Variants in ANAPC16 observed in about 807,000 individuals in gnomAD.
The protein encoded by ANAPC16 is anaphase-promoting complex subunit 16.
Under a neutral mutation model 13.1 loss-of-function variants are expected in ANAPC16, and 6 were observed. That is an observed-to-expected ratio of 0.46 (90% CI 0.25 to 0.90). The LOEUF (loss-of-function observed/expected upper bound fraction) is 0.90, where lower values mean the gene tolerates loss of function less well. Among genes scored for constraint, ANAPC16 ranks in the 40% least tolerant of loss-of-function variants. The pLI, the probability that ANAPC16 is intolerant of heterozygous loss-of-function variation, is 0.18. For synonymous variants in ANAPC16, 55 were observed against 51.3 expected (o/e 1.07, Z -0.31); for missense variants, 113 against 131.1 (o/e 0.86, Z 0.67).
chr10:72,222,694 T>C (rs2133668701), intron 1 of ANAPC16, among the ~76,000 whole-genome samples: 1 of 152,278 alleles, frequency 6.6e-6, no homozygotes, highest in African/African-American at 2.4e-5. Flanking sequence ...GGAGAATCGC[T>C]TGAACCTAGG....
chr10:72,218,924 G>C (rs1379403147), intron 1 of ANAPC16, among the ~76,000 whole-genome samples: 1 of 152,202 alleles, frequency 6.6e-6, no homozygotes, highest in African/African-American at 2.4e-5. Flanking sequence ...GAAGAAAACA[G>C]GATGAAAGGG....
rs759996498 is a variant in ANAPC16 at position 72,224,046 on chromosome 10, G to A, written c.132G>A (p.Glu44=). 5.0e-6 allele frequency: 8 copies of A among 1,599,210 alleles called. No individual in the cohort carries two copies. The highest frequency in any genetic ancestry group is 1.1e-5 in the South Asian group (1 of 89,958). Residue 44 remains glutamate (E), a synonymous_variant, in exon 2 of 4, where the codon GAG becomes GAA. Transcript: ENST00000299381. The stretch of plus-strand genomic sequence containing the variant: ...TCACCTACCCCAAAGGAGCTGGAGA[G>A]ATGTTAGAAGGTGATCTCATGCTGC... The part of the protein sequence containing the change: ...ALFTYPKGAG[E]MLEDGSERFL...
chr10:72,230,740 A>G (rs1363705126), intron 3 of ANAPC16, among the ~76,000 whole-genome samples: 2 of 151,960 alleles, frequency 1.3e-5, no homozygotes, highest in Admixed American at 6.6e-5. Context: ...ACAAAGAAAA[A>G]ATTAGTCAGG....
chr10:72,221,492 A>G (rs1859928643), intron 1 of ANAPC16, among the ~76,000 whole-genome samples: 1 of 150,290 alleles, frequency 6.7e-6, no homozygotes, highest in African/African-American at 2.5e-5. Context: ...ACACTGGAAC[A>G]TTTCCATCAT....
At chr10:72,230,325 C>G (rs1376973788) in intron 2 of ANAPC16, 41 bp from the exon 3 acceptor site, 3 of 1,514,768 alleles carry the variant, frequency 2.0e-6, no homozygotes, top group Non-Finnish European at 9.2e-7. Context: ...AGCCATAAAA[C>G]CTTTAGAGCA....
intron 1 of ANAPC16, among the ~76,000 whole-genome samples, chr10:72,221,552 T>C (rs992799352): frequency 3.7e-5 from 5 of 134,700 alleles, no homozygotes; most frequent in Admixed American, 1.5e-4. Context: ...CTTTTCTTTT[T>C]TTTTTTTTTT....
At position 72,233,649 on chromosome 10, in the gene ANAPC16, CTTTT is replaced by C. The variant is rs1283990267; in HGVS notation, c.*535_*538del. 2 of 152,546 alleles carry C rather than the reference CTTTT, an allele frequency of 1.3e-5. No homozygotes were observed. The highest frequency in any genetic ancestry group is 2.9e-5 in the Non-Finnish European group (2 of 68,180). 9.4% of individuals were successfully genotyped at this position (152,546 alleles called of 1,614,324 possible). On this transcript the variant is annotated 3_prime_UTR_variant, in exon 4 of 4. Transcript: ENST00000299381. ...TAGACATCAATTCTATAGATTCTGA[CTTTT>C]TCTAACCTCTTATAGACATGCCAAA...
rs112427290 is a variant in ANAPC16, at chr10:72,232,861, C to A, written c.218-140C>A. On this transcript the variant is annotated intron_variant, in intron 3 of 3. Coordinates refer to ENST00000299381, the MANE Select transcript of ANAPC16 (RefSeq NM_173473.4). Reference sequence around the variant, plus strand: ...CCTCGTGATCCGCCCGCCTCGGCCTCCCAAAGTGCTGGGATTATAGGCGTG... The same window carrying A: ...CCTCGTGATCCGCCCGCCTCGGCCTACCAAAGTGCTGGGATTATAGGCGTG... The A allele has an allele frequency of 1.0e-3, 687 of 662,252 alleles. 11 individuals carry two copies. Among genetic ancestry groups the A allele is most frequent in the African/African-American group, 9.8e-3 (542 of 55,460 alleles). The allele number at this position is 662,252 out of a possible 1,614,324, so 41.0% of individuals were successfully genotyped here.
intron 2 of ANAPC16, among the ~76,000 whole-genome samples, chr10:72,227,868 T>G (rs1260624387): frequency 1.0e-5 from 1 of 95,786 alleles, no homozygotes; most frequent in Non-Finnish European, 2.0e-5. Context: ...CCACCTCTAC[T>G]AAAAATACAA....
rs1470822574 is a variant in ANAPC16, at chr10:72,234,472, CT to C, written c.*1357del. The stretch of plus-strand genomic sequence containing the variant: ...TTTTTATACCATGATAGGGGAAAAC[CT>C]GGAAGGCTAAGAGATGTGCTGTTTT... On this transcript the variant is annotated 3_prime_UTR_variant, in exon 4 of 4. Transcript: ENST00000299381. 6.6e-6 allele frequency: 1 copy of C among 152,186 alleles called. No individual in the cohort carries two copies. The highest frequency in any genetic ancestry group is 2.4e-5 in the African/African-American group (1 of 41,438). 9.4% of individuals were successfully genotyped at this position (152,186 alleles called of 1,614,324 possible).
chr10:72,228,265 C>T (rs1334267209), intron 2 of ANAPC16, among the ~76,000 whole-genome samples: 1 of 152,150 alleles, frequency 6.6e-6, no homozygotes, highest in Non-Finnish European at 1.5e-5. Context: ...AAGCAGCATA[C>T]AGCAGTTTGC....
At position 72,233,194 on chromosome 10, in the gene ANAPC16, C is replaced by G. The variant is rs1037371826; in HGVS notation, c.*78C>G. 2 of 1,075,596 alleles carry G rather than the reference C, an allele frequency of 1.9e-6. No homozygotes were observed. The highest frequency in any genetic ancestry group is 2.8e-6 in the Non-Finnish European group (2 of 709,776). The allele number at this position is 1,075,596 out of a possible 1,614,324, so 66.6% of individuals were successfully genotyped here. Reference sequence around the variant, plus strand: ...ACTTTCTCACAGCTTACATAGCCATCCAGAGATCCACAGCTACGTCACTGA... The same window carrying G: ...ACTTTCTCACAGCTTACATAGCCATGCAGAGATCCACAGCTACGTCACTGA... On this transcript the variant is annotated 3_prime_UTR_variant, in exon 4 of 4. Coordinates refer to ENST00000299381, the MANE Select transcript of ANAPC16 (RefSeq NM_173473.4).
Position 72,230,418 on chromosome 10 carries a change from C to G in ANAPC16, c.195C>G (p.Ser65=). The G allele has an allele frequency of 2.5e-6, 4 of 1,614,056 alleles. No individual in the cohort carries two copies. The highest frequency in any genetic ancestry group is 3.4e-6 in the Non-Finnish European group (4 of 1,179,968). ...CESVFSYQVA[S]TLKQVKHDQQ... is the part of the protein sequence containing the mutation. ...CTGTTTTTAGCTATCAAGTGGCATCCACGCTTAAACAGGTGAAACATGGTA... is the reference window on the plus strand; with the variant it reads ...CTGTTTTTAGCTATCAAGTGGCATCGACGCTTAAACAGGTGAAACATGGTA... Residue 65 remains serine (S), a synonymous_variant, in exon 3 of 4, where the codon TCC becomes TCG. Transcript: ENST00000299381.
At chr10:72,222,767 G>A (rs1233801552) in intron 1 of ANAPC16, among the ~76,000 whole-genome samples, 1 of 152,216 alleles carries the variant, frequency 6.6e-6, no homozygotes, top group Non-Finnish European at 1.5e-5. Context: ...ACAAGAGCGA[G>A]ACTCCGTCTC....
intron 2 of ANAPC16, 112 bp downstream of exon 2, chr10:72,224,168 T>G (rs748802396): frequency 8.6e-7 from 1 of 1,168,190 alleles, no homozygotes; most frequent in Non-Finnish European, 1.1e-6. Flanking sequence ...CAGCTCCACA[T>G]TTCATTTCTT....
intron 3 of ANAPC16, among the ~76,000 whole-genome samples, chr10:72,231,889 TAAAAA>T (rs369260827): frequency 2.1e-5 from 3 of 141,008 alleles, no homozygotes; most frequent in Admixed American, 7.1e-5. Flanking sequence ...ACTTCCAACT[TAAAAA>T]AAAAAAAATA....
chr10:72,235,589 T>C lies in ANAPC16; in HGVS notation c.*2473T>C, dbSNP rs1038477071. 32 of 152,372 alleles carry C rather than the reference T, an allele frequency of 2.1e-4. No individual in the cohort carries two copies. Among genetic ancestry groups the C allele is most frequent in the African/African-American group, 7.2e-4 (30 of 41,590 alleles). 9.4% of individuals were successfully genotyped at this position (152,372 alleles called of 1,614,324 possible). On this transcript the variant is annotated 3_prime_UTR_variant, in exon 4 of 4. Coordinates refer to ENST00000299381, the MANE Select transcript of ANAPC16 (RefSeq NM_173473.4). ...CATTTTAGTTTTTTAATAGTACTTATTAGCATCAACCATCTTGATAATCAC... is the reference window on the plus strand; with the variant it reads ...CATTTTAGTTTTTTAATAGTACTTACTAGCATCAACCATCTTGATAATCAC...
At chr10:72,225,312 G>A (rs1458589565) in intron 2 of ANAPC16, among the ~76,000 whole-genome samples, 1 of 151,396 alleles carries the variant, frequency 6.6e-6, no homozygotes, top group African/African-American at 2.4e-5. Context: ...TAAATAAAAT[G>A]CATATTTCTG....
Position 72,234,069 on chromosome 10 carries a change from C to T in ANAPC16, c.*953C>T, listed in dbSNP as rs539074465. On this transcript the variant is annotated 3_prime_UTR_variant, in exon 4 of 4. Coordinates refer to ENST00000299381, the MANE Select transcript of ANAPC16 (RefSeq NM_173473.4). ...TTGCCCAGGCTGTATCGCAATGGCGCGATCTCTGCTCACTGCAACATCCAC... is the reference window on the plus strand; with the variant it reads ...TTGCCCAGGCTGTATCGCAATGGCGTGATCTCTGCTCACTGCAACATCCAC... The T allele has an allele frequency of 1.2e-4, 18 of 151,290 alleles. No homozygotes were observed. In the East Asian group the frequency reaches 2.3e-3, roughly 20 times the overall value. The allele number at this position is 151,290 out of a possible 1,614,324, so 9.4% of individuals were successfully genotyped here.
Sources: allele counts gnomAD v4.1 joint callset (sites outside exome capture counted in the v4.1 genomes callset), GRCh38; gene constraint gnomAD v4.1.1; transcripts MANE v1.5; gene names NCBI Gene and HGNC (gene_info 2026-07-23, HGNC 2026-07-21).